NAV3: variants seen among roughly 807,000 people sequenced by gnomAD.
NAV3 encodes neuron navigator 3.
In NAV3, 87 loss-of-function variants were observed where a neutral mutation model predicts 244.7. The ratio of observed to expected loss-of-function variants is 0.36; its 90% CI spans 0.30 to 0.42. The LOEUF (loss-of-function observed/expected upper bound fraction) is 0.42, where lower values mean the gene tolerates loss of function less well. Ranked by LOEUF, NAV3 falls within the 20% of genes least tolerant of loss-of-function variation. NAV3 has a pLI of 1.00. For synonymous variants in NAV3, 1,126 were observed against 1,042.2 expected, an observed-to-expected ratio of 1.08 and a Z score of -1.55; for missense variants, 2,663 against 2,893.3, an observed-to-expected ratio of 0.92 and a Z score of 1.83.
At chr12:77,656,137 G>T (rs958914529) in intron 2 of NAV3, among the ~76,000 whole-genome samples, 16 of 150,842 alleles carry the variant, frequency 1.1e-4, no homozygotes, top group African/African-American at 3.0e-4. Flanking sequence ...TGGACTAAAT[G>T]CTCCAATTAA....
intron 3 of NAV3, among the ~76,000 whole-genome samples, chr12:77,959,560 A>G (rs1891685686): frequency 6.6e-6 from 1 of 152,082 alleles, no homozygotes; most frequent in African/African-American, 2.4e-5. Flanking sequence ...AGTGTTTTAC[A>G]TGTAAAATTT....
intron 6 of NAV3, 56 bp downstream of exon 6, chr12:77,994,927 G>C (rs2136404108): frequency 8.1e-7 from 1 of 1,241,692 alleles, no homozygotes; most frequent in Non-Finnish European, 1.2e-6. Context: ...TAAATACCCA[G>C]TGATATTTTG....
At chr12:77,608,927 G>T (rs1168689126) in intron 2 of NAV3, among the ~76,000 whole-genome samples, 1 of 151,972 alleles carries the variant, frequency 6.6e-6, no homozygotes, top group Non-Finnish European at 1.5e-5. Context: ...CATTTTCAAG[G>T]TTCTTCCAGA....
chr12:78,178,029 A>G, intron 28 of NAV3, among the ~76,000 whole-genome samples: 1 of 152,006 alleles, frequency 6.6e-6, no homozygotes, highest in South Asian at 2.1e-4. Context: ...CTATACATGC[A>G]TACCTACATA....
At chr12:78,057,055 A>C (rs1883615958) in intron 11 of NAV3, among the ~76,000 whole-genome samples, 1 of 152,182 alleles carries the variant, frequency 6.6e-6, no homozygotes, top group Non-Finnish European at 1.5e-5. Context: ...TACTTTAAAC[A>C]CTGGGGGATA....
At chr12:77,826,569 A>G (rs1241248560), upstream of NAV3, among the ~76,000 whole-genome samples, 1 of 152,190 alleles carries the variant, frequency 6.6e-6, no homozygotes, top group Non-Finnish European at 1.5e-5. Flanking sequence ...TGCATAAACG[A>G]ATTGTGCCAT....
chr12:77,763,500 G>A (rs144428167), intron 2 of NAV3, among the ~76,000 whole-genome samples: 160 of 152,268 alleles, frequency 1.1e-3, no homozygotes, highest in African/African-American at 3.6e-3. Context: ...ATATGGGCAG[G>A]TGAGAGCTGA....
intron 1 of NAV3, among the ~76,000 whole-genome samples, chr12:77,939,498 T>C (rs1034900447): frequency 6.6e-6 from 1 of 152,200 alleles, no homozygotes; most frequent in Non-Finnish European, 1.5e-5. Flanking sequence ...AATATATGCA[T>C]ATGTACCACC....
At chr12:77,594,437 A>G (rs1870074682) in intron 2 of NAV3, among the ~76,000 whole-genome samples, 1 of 152,222 alleles carries the variant, frequency 6.6e-6, no homozygotes, top group Non-Finnish European at 1.5e-5. Flanking sequence ...TGCCAGCAGC[A>G]AGAGTGGACA....
intron 2 of NAV3, among the ~76,000 whole-genome samples, chr12:77,711,126 G>A (rs711142): frequency 0.94 from 143,567 of 152,332 alleles, 67,734 homozygotes; most frequent in East Asian, 1. Context: ...TCAGTACACA[G>A]CAAAATTATT....
chr12:77,655,427 A>G (rs1208359419), intron 2 of NAV3, among the ~76,000 whole-genome samples: 1 of 152,200 alleles, frequency 6.6e-6, no homozygotes, highest in Non-Finnish European at 1.5e-5. Context: ...AAAGAAACGA[A>G]CAAAGCCTCC....
chr12:77,983,129 G>A (rs1395756310), intron 5 of NAV3, among the ~76,000 whole-genome samples: 2 of 152,170 alleles, frequency 1.3e-5, no homozygotes, highest in Non-Finnish European at 2.9e-5. Flanking sequence ...TAGGAGCTGG[G>A]ACTTATTTGC....
intron 2 of NAV3, among the ~76,000 whole-genome samples, chr12:77,788,491 G>T (rs889563703): frequency 1.3e-5 from 2 of 152,078 alleles, no homozygotes; most frequent in Non-Finnish European, 2.9e-5. Context: ...TCCATAAAAG[G>T]CTAACTTGGA....
intron 2 of NAV3, among the ~76,000 whole-genome samples, chr12:77,622,658 A>G (rs1244788233): frequency 1.3e-5 from 2 of 151,940 alleles, no homozygotes; most frequent in Non-Finnish European, 2.9e-5. Context: ...TAGAAAAGCA[A>G]TAAAATCCTC....
At chr12:78,054,685 A>T (rs1412329333) in intron 11 of NAV3, among the ~76,000 whole-genome samples, 1 of 152,214 alleles carries the variant, frequency 6.6e-6, no homozygotes, top group Non-Finnish European at 1.5e-5. Context: ...GGAAAAGTTT[A>T]TAGAACCAGA....
intron 2 of NAV3, among the ~76,000 whole-genome samples, chr12:77,647,067 T>TATAC (rs143085448): frequency 1.4e-4 from 21 of 149,780 alleles, no homozygotes; most frequent in African/African-American, 2.9e-4. Context: ...CATATATATA[T>TATAC]ACACACACAC....
At chr12:77,708,579 T>C in intron 2 of NAV3, among the ~76,000 whole-genome samples, 1 of 152,178 alleles carries the variant, frequency 6.6e-6, no homozygotes. Flanking sequence ...AAGTAGTTTT[T>C]TTTCCAATTC....
chr12:77,655,822 A>C (rs1223287686), intron 2 of NAV3, among the ~76,000 whole-genome samples: 1 of 152,044 alleles, frequency 6.6e-6, no homozygotes, highest in Non-Finnish European at 1.5e-5. Flanking sequence ...TAAAGAAAAG[A>C]ATTTTCAACC....
rs191618388 is a variant in NAV3 at position 77,831,009 on chromosome 12, C to A, written c.-453C>A. ...CTCTTTTTCAATCTCAAAGTTCAGA[C>A]TCAGACTGCTTTAGTGAGAAAAAAA... On this transcript the variant is annotated 5_prime_UTR_variant, in exon 1 of 40. Coordinates refer to ENST00000397909, the MANE Select transcript of NAV3 (RefSeq NM_001024383.2). The A allele has an allele frequency of 3.7e-3, 559 of 149,792 alleles. 6 individuals are homozygous for A. Among genetic ancestry groups the A allele is most frequent in the Middle Eastern group, 7.0e-3 (2 of 286 alleles). 9.3% of individuals were successfully genotyped at this position (149,792 alleles called of 1,614,324 possible).
Sources: allele counts gnomAD v4.1 joint callset (sites outside exome capture counted in the v4.1 genomes callset), GRCh38; gene constraint gnomAD v4.1.1; transcripts MANE v1.5; gene names NCBI Gene and HGNC (gene_info 2026-07-23, HGNC 2026-07-21).